Variants in CLDN14 observed in about 807,000 individuals in gnomAD.
CLDN14 encodes claudin-14.
Under a neutral mutation model 2.1 loss-of-function variants are expected in CLDN14, and 2 were observed. That is an observed-to-expected ratio of 0.96 (90% CI 0.39 to 3.01). The LOEUF is 3.01. Among genes scored for constraint, CLDN14 ranks in the 30% most tolerant of loss-of-function variants. The probability of loss-of-function intolerance (pLI) is 0.09; values close to 1 mark genes in which losing one functional copy is unlikely to be tolerated. For missense variants in CLDN14, 298 were observed against 328.0 expected (o/e 0.91, Z 0.71); for synonymous variants, 136 against 154.4 (o/e 0.88, Z 0.88).
chr21:36,527,290 A>G (rs7279600), intron 1 of CLDN14, among the ~76,000 whole-genome samples: 52,916 of 152,102 alleles, frequency 0.35, 11,012 homozygotes, highest in African/African-American at 0.59. Context: ...TGATTGGTTT[A>G]TTTGATTTTG....
intron 2 of CLDN14, among the ~76,000 whole-genome samples, chr21:36,505,070 A>T (rs1202812547): frequency 6.6e-6 from 1 of 152,226 alleles, no homozygotes; most frequent in African/African-American, 2.4e-5. Context: ...AAGGAAGCCC[A>T]TGAAGCTTCC....
chr21:36,559,825 T>C (rs2087621690), intron 1 of CLDN14, among the ~76,000 whole-genome samples: 1 of 152,246 alleles, frequency 6.6e-6, no homozygotes, highest in South Asian at 2.1e-4. Flanking sequence ...ACATTTGTCA[T>C]ATGCTATCAG....
rs578058511 is a variant in CLDN14, at chr21:36,499,992, G to A, written c.-82+10371C>T. 9.6e-4 allele frequency among the ~76,000 whole-genome samples: 144 copies of A among 150,646 alleles called. No individual in the cohort carries two copies. The highest frequency in any genetic ancestry group is 1.5e-3 in the Non-Finnish European group (100 of 67,598). ...ACCTGTCTTCCAATGCGAGTCCCGC[G>A]AGGTGAAGAATTAGAGCATGTTGTT... On this transcript the variant is annotated intron_variant, in intron 2 of 2. Transcript: ENST00000342108. This position sits in a 1 kb window ranked among gnomAD's most constrained non-coding sequence, Gnocchi z 4.7.
intron 1 of CLDN14, among the ~76,000 whole-genome samples, chr21:36,474,435 C>T (rs539669481): frequency 5.3e-5 from 8 of 152,266 alleles, no homozygotes; most frequent in South Asian, 2.1e-4. Flanking sequence ...TAAGGAAGGT[C>T]GTCCATTACT....
At chr21:36,485,889 G>T (rs533771901) in intron 2 of CLDN14, 147 of 639,558 alleles carry the variant, frequency 2.3e-4, no homozygotes, top group Non-Finnish European at 2.1e-4. Flanking sequence ...CTTTATTTAG[G>T]CTGTAATGGT....
At position 36,520,715 on chromosome 21, in the gene CLDN14, A is replaced by G. The variant is rs558289735; in HGVS notation, c.-219-10215T>C. Among the ~76,000 whole-genome samples, 28 of 152,322 alleles carry G rather than the reference A, an allele frequency of 1.8e-4. No homozygotes were observed. The South Asian group carries it at 4.6e-3, about 25-fold the overall frequency. On this transcript the variant is annotated intron_variant, in intron 1 of 2. Coordinates refer to the CLDN14 transcript ENST00000342108. ...GCTCACATTCACACACAAGGGAGTT[A>G]TGACTTGAATAGATCCTCTGAGGGG... is the stretch of plus-strand genomic sequence containing the variant.
intron 1 of CLDN14, among the ~76,000 whole-genome samples, chr21:36,464,186 T>G (rs1400751038): frequency 1.3e-5 from 2 of 152,140 alleles, no homozygotes; most frequent in Non-Finnish European, 2.9e-5. Flanking sequence ...TCTCTCTTCC[T>G]CCTTCTCCGG....
chr21:36,537,891 G>A (rs1017660675), intron 1 of CLDN14, among the ~76,000 whole-genome samples: 1 of 152,094 alleles, frequency 6.6e-6, no homozygotes, highest in African/African-American at 2.4e-5. Context: ...CTAGTGATCT[G>A]CCTGCTTCAG....
intron 1 of CLDN14, among the ~76,000 whole-genome samples, chr21:36,547,011 C>G (rs571134907): frequency 2.0e-5 from 3 of 152,176 alleles, no homozygotes; most frequent in African/African-American, 7.2e-5. Flanking sequence ...TGCCCTACAA[C>G]GCACAGGACA....
rs189615219 is a variant in CLDN14, at chr21:36,567,852, T to C, written c.-220+8559A>G. On this transcript the variant is annotated intron_variant, in intron 1 of 2. Coordinates refer to the CLDN14 transcript ENST00000342108. ...AAGCCAAAGTCATTCATTTTTTTTT[T>C]CATACATTTGTTTCAATCAAAGGGC... Among the ~76,000 whole-genome samples the C allele has an allele frequency of 4.8e-3, 735 of 152,224 alleles. 17 individuals are homozygous for C. The highest frequency in any genetic ancestry group is 3.3e-3 in the Non-Finnish European group (225 of 67,980).
chr21:36,461,860 A>G (rs891242521), intron 1 of CLDN14, 84 bp from the exon 2 acceptor site: 3 of 977,394 alleles, frequency 3.1e-6, no homozygotes, highest in Non-Finnish European at 4.4e-6. Flanking sequence ...TGTCACCGAA[A>G]CCAAGTTTTT....
At position 36,488,744 on chromosome 21, in the gene CLDN14, A is replaced by G. The variant is rs182620097; in HGVS notation, c.-82+21619T>C. Among the ~76,000 whole-genome samples the G allele has an allele frequency of 6.6e-5, 10 of 152,262 alleles. No homozygotes were observed. In the East Asian group the frequency reaches 1.7e-3, roughly 26 times the overall value. On this transcript the variant is annotated intron_variant, in intron 2 of 2. Transcript: ENST00000342108. ...GAGAGGGATGGTGGTGGATGGCTGC[A>G]TGATATGCGTGTACTTAATGTCACA...
chr21:36,575,901 A>C (rs537878461), intron 1 of CLDN14, among the ~76,000 whole-genome samples: 1 of 152,250 alleles, frequency 6.6e-6, no homozygotes, highest in African/African-American at 2.4e-5. Context: ...GTTAATGGAG[A>C]CTGTAACGAC....
chr21:36,547,929 C>T lies in CLDN14; in HGVS notation c.-220+28482G>A, dbSNP rs1262761930. The stretch of plus-strand genomic sequence containing the variant: ...GCTTCTTTTGAAAAGAAAGGCCCAG[C>T]GAACACATCTTTGGAAACATTACCT... On this transcript the variant is annotated intron_variant, in intron 1 of 2. Coordinates refer to the CLDN14 transcript ENST00000342108. 4.6e-5 allele frequency among the ~76,000 whole-genome samples: 7 copies of T among 152,328 alleles called. No homozygotes were observed. In the East Asian group the frequency reaches 5.8e-4, roughly 13 times the overall value.
chr21:36,490,385 ATTTTT>A (rs71198817), intron 2 of CLDN14, among the ~76,000 whole-genome samples: 2 of 102,052 alleles, frequency 2.0e-5, no homozygotes, highest in East Asian at 3.2e-4. Context: ...TTTTTTTTTA[ATTTTT>A]TTTTTTTTTT....
chr21:36,515,395 G>A (rs573069740), intron 1 of CLDN14, among the ~76,000 whole-genome samples: 7 of 152,156 alleles, frequency 4.6e-5, no homozygotes, highest in South Asian at 2.1e-4. Context: ...TGAAGTGGCC[G>A]GGCCTGGTGG....
At position 36,499,359 on chromosome 21, in the gene CLDN14, C is replaced by G. The variant is rs2087071745; in HGVS notation, c.-82+11004G>C. On this transcript the variant is annotated intron_variant, in intron 2 of 2. Transcript: ENST00000342108. The surrounding 1 kb of genome is among the most constrained non-coding windows in gnomAD (Gnocchi z 4.7). ...CTGCCTCCTGGGTTCAAGCGATTCT[C>G]CTGCCTCAGCCTCCCAAGTTTTTAC... Among the ~76,000 whole-genome samples, 2 of 152,206 alleles carry G rather than the reference C, an allele frequency of 1.3e-5. No individual in the cohort carries two copies. Among genetic ancestry groups the G allele is most frequent in the South Asian group, 4.1e-4 (2 of 4,826 alleles).
intron 1 of CLDN14, among the ~76,000 whole-genome samples, chr21:36,463,047 AAAAAAAGGAAGGGATGAAGGC>A (rs1311713813): frequency 6.6e-6 from 1 of 152,000 alleles, no homozygotes; most frequent in East Asian, 1.9e-4. Context: ...GAAAGGAAGG[AAAAAAAGGAAGGGATGAAGGC>A]AGAAAAGGAA....
intron 1 of CLDN14, among the ~76,000 whole-genome samples, chr21:36,477,787 G>A (rs1307304250): frequency 6.6e-6 from 1 of 152,192 alleles, no homozygotes; most frequent in Non-Finnish European, 1.5e-5. Flanking sequence ...CTCAGCAAAT[G>A]GCCCAGAGTA....
Sources: gnomAD v4.1 joint callset for allele counts (sites outside exome capture counted in the v4.1 genomes callset) on GRCh38, gnomAD v4.1.1 for gene constraint, Gnocchi (gnomAD v3.1) non-coding constraint, MANE v1.5 for transcripts, NCBI Gene and HGNC (gene_info 2026-07-23, HGNC 2026-07-21) for gene names.